Variants in MDGA2 observed in about 807,000 individuals in gnomAD.
MDGA2 encodes MAM domain-containing glycosylphosphatidylinositol anchor protein 2.
A neutral mutation model predicts 117.8 loss-of-function variants in MDGA2; 40 were observed. The observed-to-expected ratio is 0.34, with a 90% CI of 0.26 to 0.44. The LOEUF is 0.44. MDGA2 is among the 20% of genes least tolerant of loss of function. The pLI, the probability that MDGA2 is intolerant of heterozygous loss-of-function variation, is 1.00. For missense variants in MDGA2, 1,123 were observed against 1,250.6 expected (o/e 0.90, Z 1.54); for synonymous variants, 452 against 439.0 (o/e 1.03, Z -0.37).
At position 46,983,266 on chromosome 14, in the gene MDGA2, C is replaced by A. The variant is rs558418410; in HGVS notation, c.1820-25623G>T. The stretch of plus-strand genomic sequence containing the variant: ...ACTGTTTTTGGCAAATAATCATGTA[C>A]CTTATTCAGTGGCTTAGCTGAATCT... On this transcript the variant is annotated intron_variant, in intron 8 of 16. Transcript: ENST00000399232. Among the ~76,000 whole-genome samples the A allele has an allele frequency of 1.2e-4, 19 of 152,078 alleles. No homozygotes were observed. The South Asian group carries it at 3.7e-3, about 30-fold the overall frequency.
At chr14:47,517,263 T>C (rs1894773610) in intron 1 of MDGA2, among the ~76,000 whole-genome samples, 1 of 152,094 alleles carries the variant, frequency 6.6e-6, no homozygotes, top group African/African-American at 2.4e-5. Flanking sequence ...ATGACTAAAA[T>C]CAAGAGAAGT....
chr14:47,242,593 G>A (rs914914063), intron 2 of MDGA2, among the ~76,000 whole-genome samples: 10 of 151,864 alleles, frequency 6.6e-5, no homozygotes, highest in Non-Finnish European at 2.9e-5. Flanking sequence ...CCGGGCCAGT[G>A]GCTGCGGAGG....
intron 1 of MDGA2, among the ~76,000 whole-genome samples, chr14:47,448,123 C>CTTTA (rs200627589): frequency 7.2e-4 from 104 of 145,410 alleles, no homozygotes; most frequent in South Asian, 1.4e-3. Context: ...TTGAGGCCTA[C>CTTTA]TTTATTTATT....
rs1890690163 is a variant in MDGA2 at position 47,343,326 on chromosome 14, T to C, written c.281-41776A>G. The C allele has an allele frequency of 4.0e-6, 4 of 999,374 alleles. No homozygotes were observed. The South Asian group carries it at 1.1e-4, about 29-fold the overall frequency. 61.9% of individuals were successfully genotyped at this position (999,374 alleles called of 1,614,324 possible). ...TAGTAATGAGACGCTGTGAGTCTAT[T>C]ATGAACTGAATACTCCCACAGCTCA... On this transcript the variant is annotated intron_variant, in intron 1 of 16. Coordinates refer to ENST00000399232, the MANE Select transcript of MDGA2 (RefSeq NM_001113498.3).
At chr14:47,406,453 G>A (rs1025629291) in intron 1 of MDGA2, among the ~76,000 whole-genome samples, 2 of 149,656 alleles carry the variant, frequency 1.3e-5, no homozygotes, top group African/African-American at 4.9e-5. Context: ...CACTAAAATA[G>A]CAGTAGATTT....
rs114270065 is a variant in MDGA2 at position 47,252,604 on chromosome 14, T to G, written c.421-34409A>C. Among the ~76,000 whole-genome samples, 376 of 152,294 alleles carry G rather than the reference T, an allele frequency of 2.5e-3. 2 individuals carry two copies. The highest frequency in any genetic ancestry group is 8.4e-3 in the African/African-American group (350 of 41,562). ...ACTGCAAATTGAGACACACTGACAT[T>G]ATACCATTTTGGTGATGAAACACAA... is the stretch of plus-strand genomic sequence containing the variant. On this transcript the variant is annotated intron_variant, in intron 2 of 16. Transcript: ENST00000399232.
At chr14:47,325,584 A>T (rs1430504331) in intron 1 of MDGA2, among the ~76,000 whole-genome samples, 1 of 152,172 alleles carries the variant, frequency 6.6e-6, no homozygotes, top group Non-Finnish European at 1.5e-5. Flanking sequence ...GACATGAGGG[A>T]TTGATAGAAC....
At chr14:46,982,734 A>AAAAAAAAT (rs1449356596) in intron 8 of MDGA2, among the ~76,000 whole-genome samples, 5 of 130,324 alleles carry the variant, frequency 3.8e-5, no homozygotes, top group Admixed American at 7.9e-5. Flanking sequence ...AAAAAAAAAA[A>AAAAAAAAT]AATCATGTCA....
intron 10 of MDGA2, among the ~76,000 whole-genome samples, chr14:46,916,480 A>AT (rs149162726): frequency 0.013 from 1,983 of 152,154 alleles, 48 homozygotes; most frequent in African/African-American, 0.044. Flanking sequence ...TTAAAAAGGA[A>AT]TTTTTTAAAA....
intron 1 of MDGA2, among the ~76,000 whole-genome samples, chr14:47,374,741 G>A (rs1005255333): frequency 1.3e-5 from 2 of 151,970 alleles, no homozygotes; most frequent in Non-Finnish European, 2.9e-5. Context: ...TCAAACGGAT[G>A]AATGTTATTA....
intron 5 of MDGA2, among the ~76,000 whole-genome samples, chr14:47,104,090 T>TGGGATA (rs1880498111): frequency 6.6e-6 from 1 of 152,180 alleles, no homozygotes; most frequent in Non-Finnish European, 1.5e-5. Flanking sequence ...CAGGCTTGAC[T>TGGGATA]GGGATATTTA....
At chr14:47,207,244 C>T (rs537726370) in intron 3 of MDGA2, among the ~76,000 whole-genome samples, 12 of 151,460 alleles carry the variant, frequency 7.9e-5, no homozygotes, top group African/African-American at 2.4e-4. Flanking sequence ...GAGGTGAGGT[C>T]GAAGGATGTT....
At chr14:46,846,466 T>C (rs898975924) in intron 15 of MDGA2, among the ~76,000 whole-genome samples, 1 of 152,116 alleles carries the variant, frequency 6.6e-6, no homozygotes, top group Non-Finnish European at 1.5e-5. Context: ...TGAAGATATG[T>C]ATCAGTCTAT....
At chr14:47,639,237 T>C (rs1897378953) in intron 1 of MDGA2, among the ~76,000 whole-genome samples, 1 of 152,222 alleles carries the variant, frequency 6.6e-6, no homozygotes, top group South Asian at 2.1e-4. Flanking sequence ...CCTCTTAGAA[T>C]GTAAGCTCCA....
intron 5 of MDGA2, among the ~76,000 whole-genome samples, chr14:47,119,781 T>A (rs1367002904): frequency 6.6e-6 from 1 of 152,220 alleles, no homozygotes; most frequent in East Asian, 1.9e-4. Context: ...TGTCTTTGTA[T>A]ATTGAATACC....
At chr14:46,927,983 G>A (rs903695978) in intron 9 of MDGA2, among the ~76,000 whole-genome samples, 1 of 152,090 alleles carries the variant, frequency 6.6e-6, no homozygotes, top group East Asian at 1.9e-4. Flanking sequence ...TACATTGTCA[G>A]TCTTTACAAA....
At chr14:46,861,182 C>T (rs905698935) in intron 14 of MDGA2, among the ~76,000 whole-genome samples, 3 of 151,852 alleles carry the variant, frequency 2.0e-5, no homozygotes, top group African/African-American at 4.8e-5. Context: ...TTTTAAAAAA[C>T]ATTAAAAGAA....
intron 1 of MDGA2, among the ~76,000 whole-genome samples, chr14:47,543,706 T>G (rs767155064): frequency 2.3e-4 from 35 of 152,352 alleles, no homozygotes; most frequent in Non-Finnish European, 2.5e-4. Flanking sequence ...AATCATCTAA[T>G]CTAGTCACCA....
chr14:47,302,143 C>T (rs1275130098), intron 1 of MDGA2, among the ~76,000 whole-genome samples: 1 of 152,124 alleles, frequency 6.6e-6, no homozygotes, highest in African/African-American at 2.4e-5. Flanking sequence ...ACCATTGTCG[C>T]CTGAGTCTAA....
Sources: allele counts gnomAD v4.1 joint callset (sites outside exome capture counted in the v4.1 genomes callset), GRCh38; gene constraint gnomAD v4.1.1; transcripts MANE v1.5; gene names NCBI Gene and HGNC (gene_info 2026-07-23, HGNC 2026-07-21).